Variants in BABAM2 observed in about 807,000 individuals in gnomAD.
BABAM2 encodes the protein BRISC and BRCA1-A complex member 2.
BABAM2 carries 31 observed loss-of-function variants against 54.7 expected under a neutral mutation model. The ratio of observed to expected loss-of-function variants is 0.57; its 90% CI spans 0.43 to 0.77. The LOEUF (loss-of-function observed/expected upper bound fraction) is 0.77, where lower values mean the gene tolerates loss of function less well. Among genes scored for constraint, BABAM2 ranks in the 30% least tolerant of loss-of-function variants. The pLI is 0.00. For synonymous variants in BABAM2, 167 were observed against 162.9 expected (o/e 1.03, Z -0.19); for missense variants, 364 against 455.8 (o/e 0.80, Z 1.83).
intron 3 of BABAM2, among the ~76,000 whole-genome samples, chr2:27,979,751 G>C (rs913776805): frequency 1.7e-4 from 26 of 152,080 alleles, no homozygotes; most frequent in African/African-American, 6.3e-4. Context: ...TTGTTTCTTA[G>C]AAACTATGTT....
At chr2:28,090,659 G>T (rs199544193) in intron 6 of BABAM2, among the ~76,000 whole-genome samples, 1 of 152,226 alleles carries the variant, frequency 6.6e-6, no homozygotes, top group East Asian at 1.9e-4. Flanking sequence ...CATTCCCCGG[G>T]GATTATTATA....
intron 2 of BABAM2, among the ~76,000 whole-genome samples, chr2:27,898,312 C>G (rs1391371566): frequency 1.3e-5 from 2 of 152,118 alleles, no homozygotes; most frequent in Non-Finnish European, 2.9e-5. Context: ...CCTAGCCTAT[C>G]TTGCATTTTA....
chr2:27,989,258 C>T (rs1672612233), intron 4 of BABAM2, among the ~76,000 whole-genome samples: 1 of 152,060 alleles, frequency 6.6e-6, no homozygotes, highest in African/African-American at 2.4e-5. Flanking sequence ...TAAGTCTGCC[C>T]AGAGGAGGGT....
chr2:28,190,492 G>A (rs1016422692), intron 7 of BABAM2, among the ~76,000 whole-genome samples: 2 of 152,156 alleles, frequency 1.3e-5, no homozygotes, highest in African/African-American at 4.8e-5. Flanking sequence ...TTCGAGACCA[G>A]CCTGACCAAC....
chr2:28,278,685 C>T (rs114948257), intron 10 of BABAM2, among the ~76,000 whole-genome samples: 1 of 152,236 alleles, frequency 6.6e-6, no homozygotes, highest in Non-Finnish European at 1.5e-5. Context: ...CAGGATGAAT[C>T]TGTGATATGA....
intron 4 of BABAM2, among the ~76,000 whole-genome samples, chr2:27,998,155 GA>G (rs561397934): frequency 0.014 from 2,120 of 150,238 alleles, 36 homozygotes; most frequent in Non-Finnish European, 0.017. Context: ...TCAGTCTCAA[GA>G]AAAAAAAATG....
chr2:27,922,051 T>C (rs1399633741), intron 2 of BABAM2, among the ~76,000 whole-genome samples: 1 of 152,138 alleles, frequency 6.6e-6, no homozygotes, highest in Non-Finnish European at 1.5e-5. Context: ...TGCTAGACAC[T>C]GGAGATTTAA....
intron 6 of BABAM2, among the ~76,000 whole-genome samples, chr2:28,110,955 G>A (rs1275330012): frequency 6.7e-6 from 1 of 149,598 alleles, no homozygotes; most frequent in East Asian, 1.9e-4. Context: ...CTTTTCATAT[G>A]CTTATTGGCT....
intron 4 of BABAM2, among the ~76,000 whole-genome samples, chr2:28,019,007 C>T (rs1675054166): frequency 6.6e-6 from 1 of 152,110 alleles, no homozygotes; most frequent in Non-Finnish European, 1.5e-5. Flanking sequence ...CCTTACCCCC[C>T]AACCCTTGAC....
intron 11 of BABAM2, among the ~76,000 whole-genome samples, chr2:28,337,004 A>C (rs1437991061): frequency 6.6e-6 from 1 of 152,204 alleles, no homozygotes; most frequent in Non-Finnish European, 1.5e-5. Context: ...CAGTAGGACC[A>C]GATCCTAAAT....
At position 28,260,341 on chromosome 2, in the gene BABAM2, A is replaced by C. The variant is rs1435354002; in HGVS notation, c.934+15479A>C. Among the ~76,000 whole-genome samples the C allele has an allele frequency of 4.8e-5, 6 of 125,716 alleles. No homozygotes were observed. The Admixed American group carries it at 5.7e-4, about 12-fold the overall frequency. The allele number at this position is 125,716 out of a possible 152,430, so 82.5% of individuals were successfully genotyped here. A position where few individuals can be genotyped will look rare whatever the true frequency, so the allele number is the denominator to read the frequency against. On this transcript the variant is annotated intron_variant, in intron 10 of 11. Coordinates refer to ENST00000379624, the MANE Select transcript of BABAM2 (RefSeq NM_199191.3). ...TTTTGACATGGAGTCTTGCTCTATC[A>C]TCCAGGTTGGAGTGCAGTGGCACAA...
intron 7 of BABAM2, among the ~76,000 whole-genome samples, chr2:28,236,787 CCGATAAG>C (rs1441902570): frequency 3.3e-5 from 5 of 152,112 alleles, no homozygotes; most frequent in African/African-American, 4.8e-5. Flanking sequence ...AAGATAATGG[CCGATAAG>C]CTGTAGAACT....
At chr2:28,001,169 G>A (rs1235197567) in intron 4 of BABAM2, among the ~76,000 whole-genome samples, 2 of 152,198 alleles carry the variant, frequency 1.3e-5, no homozygotes, top group African/African-American at 4.8e-5. Context: ...TATATTAAGG[G>A]AAACATGATT....
chr2:28,049,965 A>G (rs1279298453), intron 6 of BABAM2, among the ~76,000 whole-genome samples: 2 of 152,210 alleles, frequency 1.3e-5, no homozygotes, highest in Non-Finnish European at 2.9e-5. Flanking sequence ...CTAGTAGCAA[A>G]TGCAGATATT....
chr2:28,038,290 C>T (rs1234161662), intron 5 of BABAM2, among the ~76,000 whole-genome samples: 1 of 152,156 alleles, frequency 6.6e-6, no homozygotes, highest in African/African-American at 2.4e-5. Context: ...AGTAATGAGC[C>T]CCCAACCCTA....
intron 3 of BABAM2, among the ~76,000 whole-genome samples, chr2:27,953,048 G>A (rs1355190837): frequency 4.6e-5 from 7 of 152,166 alleles, no homozygotes; most frequent in African/African-American, 1.7e-4. Context: ...TTGAAACAAG[G>A]TCCTGCTGTG....
intron 7 of BABAM2, among the ~76,000 whole-genome samples, chr2:28,210,785 C>A (rs545572262): frequency 6.6e-6 from 1 of 152,062 alleles, no homozygotes; most frequent in Non-Finnish European, 1.5e-5. Flanking sequence ...TTGGCCAGTC[C>A]CTTAAAAATG....
At chr2:28,276,211 G>A (rs1039047764) in intron 10 of BABAM2, among the ~76,000 whole-genome samples, 5 of 151,878 alleles carry the variant, frequency 3.3e-5, no homozygotes, top group African/African-American at 7.3e-5. Flanking sequence ...AGGCTAGATC[G>A]CTCATTATAG....
intron 7 of BABAM2, among the ~76,000 whole-genome samples, chr2:28,151,098 A>G (rs887504354): frequency 6.6e-6 from 1 of 152,196 alleles, no homozygotes; most frequent in Non-Finnish European, 1.5e-5. Context: ...CTCTTAAAAG[A>G]TACTTAGGAT....
Sources: gnomAD v4.1 joint callset for allele counts (sites outside exome capture counted in the v4.1 genomes callset) on GRCh38, gnomAD v4.1.1 for gene constraint, MANE v1.5 for transcripts, NCBI Gene and HGNC (gene_info 2026-07-23, HGNC 2026-07-21) for gene names.